BCR: variants seen among roughly 807,000 people sequenced by gnomAD.
BCR encodes the protein BCR activator of RhoGEF and GTPase.
A neutral mutation model predicts 138.6 loss-of-function variants in BCR; 58 were observed. The observed-to-expected ratio is 0.42, with a 90% confidence interval of 0.34 to 0.52. The LOEUF (loss-of-function observed/expected upper bound fraction) is 0.52. Ranked by LOEUF, BCR falls within the 20% of genes least tolerant of loss-of-function variation. BCR has a pLI of 0.06. For synonymous variants in BCR, 786 were observed against 730.1 expected, an observed-to-expected ratio of 1.08 and a Z score of -1.23; for missense variants, 1,599 against 1,727.2, an observed-to-expected ratio of 0.93 and a Z score of 1.32.
chr22:23,223,205 G>T (rs1412375028), intron 1 of BCR, among the ~76,000 whole-genome samples: 2 of 152,204 alleles, frequency 1.3e-5, no homozygotes, highest in South Asian at 2.1e-4. Context: ...AGCACAAGGG[G>T]TGACACCTTG....
chr22:23,238,195 G>T (rs2073047257), intron 1 of BCR, among the ~76,000 whole-genome samples: 1 of 152,082 alleles, frequency 6.6e-6, no homozygotes, highest in Non-Finnish European at 1.5e-5. Flanking sequence ...TTTTAAGGGG[G>T]ATGATCGAAG....
intron 1 of BCR, among the ~76,000 whole-genome samples, chr22:23,226,031 C>T (rs528938303): frequency 1.3e-5 from 2 of 152,332 alleles, no homozygotes; most frequent in East Asian, 3.9e-4. Context: ...ATCCGGCGCC[C>T]TTTCTTTGGG....
At chr22:23,240,315 G>A (rs2073074658) in intron 1 of BCR, among the ~76,000 whole-genome samples, 1 of 151,300 alleles carries the variant, frequency 6.6e-6, no homozygotes, top group Admixed American at 6.6e-5. Flanking sequence ...GTGTGTGTGT[G>A]TGTGTGTGTG....
intron 1 of BCR, chr22:23,199,150 A>T (rs2072517572): frequency 2.8e-6 from 1 of 356,342 alleles, no homozygotes; most frequent in Non-Finnish European, 5.7e-6. Flanking sequence ...TTTGGCCCTA[A>T]CAAATGCAGG....
intron 16 of BCR, among the ~76,000 whole-genome samples, chr22:23,299,694 TTA>T (rs10532946): frequency 0.033 from 4,812 of 145,738 alleles, 211 homozygotes; most frequent in Admixed American, 0.11. Flanking sequence ...GATCTAGAGT[TTA>T]TATATATATA....
chr22:23,207,479 C>T (rs770224263), intron 1 of BCR, among the ~76,000 whole-genome samples: 6 of 151,480 alleles, frequency 4.0e-5, no homozygotes, highest in Admixed American at 1.3e-4. Flanking sequence ...AAAAATTAGC[C>T]AGGTGTTTTG....
intron 2 of BCR, among the ~76,000 whole-genome samples, chr22:23,258,765 C>G (rs2073323915): frequency 6.6e-6 from 1 of 152,244 alleles, no homozygotes; most frequent in Admixed American, 6.5e-5. Flanking sequence ...GACAGAGACT[C>G]CTCCGGGCCT....
At chr22:23,294,763 A>C (rs1238629374) in intron 15 of BCR, among the ~76,000 whole-genome samples, 1 of 152,104 alleles carries the variant, frequency 6.6e-6, no homozygotes, top group Non-Finnish European at 1.5e-5. Flanking sequence ...TCACCCTTTG[A>C]GATGCTGGTG....
rs536216787 is a variant in BCR, at chr22:23,241,271, G to A, written c.1280-12528G>A. Among the ~76,000 whole-genome samples the A allele has an allele frequency of 1.1e-4, 17 of 152,340 alleles. No individual in the cohort carries two copies. The East Asian group carries it at 2.9e-3, about 26-fold the overall frequency. ...TTGCTGGGTGTCTGCCCGTGGCTGG[G>A]CCCTGGCCCCGGGCTCAGGGTGGTG... On this transcript the variant is annotated intron_variant, in intron 1 of 22. Coordinates refer to ENST00000305877, the MANE Select transcript of BCR (RefSeq NM_004327.4).
At chr22:23,292,084 G>T (rs1209592308) in intron 14 of BCR, among the ~76,000 whole-genome samples, 1 of 152,166 alleles carries the variant, frequency 6.6e-6, no homozygotes, top group Admixed American at 6.5e-5. Context: ...CCCCACAGTG[G>T]CCTGGAGTCC....
chr22:23,277,752 C>A (rs925456915), intron 8 of BCR, among the ~76,000 whole-genome samples: 1 of 152,186 alleles, frequency 6.6e-6, no homozygotes, highest in South Asian at 2.1e-4. Context: ...CAGCCCCAGA[C>A]CCCCACTGTG....
chr22:23,288,188 C>T lies in BCR; in HGVS notation c.2602+16C>T, dbSNP rs1197895312. ...CAGAAGAAGTGTGAGTATCCTCTGTCCTGAGAGGGGCTGGGCTTCAAACCA... is the reference window on the plus strand; with the variant it reads ...CAGAAGAAGTGTGAGTATCCTCTGTTCTGAGAGGGGCTGGGCTTCAAACCA... On this transcript the variant is annotated intron_variant, in intron 12 of 22. Transcript: ENST00000305877. 3 of 1,610,514 alleles carry T rather than the reference C, an allele frequency of 1.9e-6. No homozygotes were observed. The highest frequency in any genetic ancestry group is 2.5e-6 in the Non-Finnish European group (3 of 1,176,862).
chr22:23,221,966 C>T (rs1000128887), intron 1 of BCR, among the ~76,000 whole-genome samples: 1 of 151,308 alleles, frequency 6.6e-6, no homozygotes, highest in African/African-American at 2.5e-5. Flanking sequence ...TGGCAGGCGC[C>T]TGTAATTCCA....
intron 1 of BCR, among the ~76,000 whole-genome samples, chr22:23,200,767 C>T (rs1041299339): frequency 6.6e-6 from 1 of 151,886 alleles, no homozygotes. Flanking sequence ...TTCATGTTGC[C>T]CGTGCCAGTC....
rs116329085 is a variant in BCR at position 23,230,332 on chromosome 22, C to T, written c.1280-23467C>T. Reference sequence around the variant, plus strand: ...GGAAGTTCCAACTTCTACATTTAGACGTCCTTCTCTCTGTGTGTGGTGATG... The same window carrying T: ...GGAAGTTCCAACTTCTACATTTAGATGTCCTTCTCTCTGTGTGTGGTGATG... On this transcript the variant is annotated intron_variant, in intron 1 of 22. Coordinates refer to ENST00000305877, the MANE Select transcript of BCR (RefSeq NM_004327.4). 2.7e-3 allele frequency among the ~76,000 whole-genome samples: 417 copies of T among 152,302 alleles called. 3 individuals carry two copies. The highest frequency in any genetic ancestry group is 9.7e-3 in the African/African-American group (405 of 41,562).
intron 1 of BCR, among the ~76,000 whole-genome samples, chr22:23,211,408 C>T (rs1602019314): frequency 6.6e-6 from 1 of 151,876 alleles, no homozygotes; most frequent in Non-Finnish European, 1.5e-5. Flanking sequence ...CTGTGTTAGC[C>T]AGGATGGTCT....
At chr22:23,245,298 A>G (rs1280576545) in intron 1 of BCR, among the ~76,000 whole-genome samples, 3 of 151,992 alleles carry the variant, frequency 2.0e-5, no homozygotes, top group Non-Finnish European at 2.9e-5. Flanking sequence ...TTTCCAGCCT[A>G]TGGGGGGCCT....
In BCR at chr22:23,290,403, G is replaced by A; in HGVS notation, c.2772G>A (p.Lys924=). 6.2e-7 allele frequency: 1 copy of A among 1,614,086 alleles called. No homozygotes were observed. Among genetic ancestry groups the A allele is most frequent in the Non-Finnish European group, 8.5e-7 (1 of 1,179,936 alleles). The part of the protein sequence containing the change: ...NVIVHSATGF[K]QSSNLYCTLE... The stretch of plus-strand genomic sequence containing the variant: ...TCGTCCACTCAGCCACTGGATTTAA[G>A]CAGAGTTCAAGTAAGTACTGGTTTG... Residue 924 remains lysine (K), a synonymous_variant, in exon 14 of 23, where the codon AAG becomes AAA. Transcript: ENST00000305877.
chr22:23,309,436 G>T lies in BCR; in HGVS notation c.3025G>T (p.Ala1009Ser). ...TCCTTCCTTTCAGCTGGACCCGCAG[G>T]CCCTGCAGGACAGAGACTGGCAGCG... is the stretch of plus-strand genomic sequence containing the variant. ...GKGQVQLDPQ[A>S]LQDRDWQRTV... Residue 1009 changes from alanine (A) to serine (S), a missense_variant, in exon 17 of 23, where the codon GCC (alanine) becomes TCC (serine). Around this residue, in one of 4 missense-constraint regions of BCR, gnomAD observed 590 missense variants for 762.4 expected, o/e 0.77. Coordinates refer to ENST00000305877, the MANE Select transcript of BCR (RefSeq NM_004327.4). The T allele has an allele frequency of 6.2e-7, 1 of 1,603,128 alleles. No individual in the cohort carries two copies. The highest frequency in any genetic ancestry group is 8.5e-7 in the Non-Finnish European group (1 of 1,174,688).
Sources: gnomAD v4.1 joint callset for allele counts (sites outside exome capture counted in the v4.1 genomes callset) on GRCh38, gnomAD v4.1.1 for gene constraint, gnomAD v4.1.1 regional missense constraint, MANE v1.5 for transcripts, NCBI Gene and HGNC (gene_info 2026-07-23, HGNC 2026-07-21) for gene names.